POP4: variants seen among roughly 807,000 people sequenced by gnomAD.
POP4 encodes POP4 ribonuclease P/MRP subunit.
In POP4, 31 loss-of-function variants were observed where a neutral mutation model predicts 29.9. That is an observed-to-expected ratio of 1.04 (90% CI 0.78 to 1.40). POP4 has a LOEUF of 1.40. Ranked by LOEUF, POP4 falls within the 40% of genes most tolerant of loss-of-function variation. The pLI is 0.00. For missense variants in POP4, 286 were observed against 282.7 expected, an observed-to-expected ratio of 1.01 and a Z score of -0.08; for synonymous variants, 110 against 108.2, an observed-to-expected ratio of 1.02 and a Z score of -0.10.
intron 2 of POP4, chr19:29,608,984 C>A (rs1971035537): frequency 8.3e-6 from 3 of 359,560 alleles, no homozygotes; most frequent in Admixed American, 4.6e-5. Context: ...CAGGCTGTGC[C>A]CACGTGGTGG....
chr19:29,615,237 T>C lies in POP4; in HGVS notation c.527-7T>C. The C allele has an allele frequency of 1.3e-6, 2 of 1,529,384 alleles. No individual in the cohort carries two copies. Among genetic ancestry groups the C allele is most frequent in the Non-Finnish European group, 1.8e-6 (2 of 1,141,954 alleles). 94.7% of individuals were successfully genotyped at this position (1,529,384 alleles called of 1,614,324 possible). On this transcript the variant is annotated splice_polypyrimidine_tract_variant and splice_region_variant and intron_variant, in intron 6 of 6. Transcript: ENST00000585603. ...TTTTCTCCTGCCTTTTTTTTTTTTTTTTTCAGTTATCCCCAAGCTAAACTG... is the reference window on the plus strand; with the variant it reads ...TTTTCTCCTGCCTTTTTTTTTTTTTCTTTCAGTTATCCCCAAGCTAAACTG...
In POP4 at chr19:29,617,150, A is replaced by C. The variant is rs1254784544; in HGVS notation, c.*1770A>C. ...GTGTTCATAACCAAATAGGTGCTGTAGCTTCCTAGCCATCCCGCTCTTACC... is the reference window on the plus strand; with the variant it reads ...GTGTTCATAACCAAATAGGTGCTGTCGCTTCCTAGCCATCCCGCTCTTACC... On this transcript the variant is annotated 3_prime_UTR_variant, in exon 7 of 7. Transcript: ENST00000585603. 6.6e-6 allele frequency: 1 copy of C among 152,230 alleles called. No individual in the cohort carries two copies. The highest frequency in any genetic ancestry group is 1.5e-5 in the Non-Finnish European group (1 of 68,044). 9.4% of individuals were successfully genotyped at this position (152,230 alleles called of 1,614,324 possible). A position where few individuals can be genotyped will look rare whatever the true frequency, so the allele number is the denominator to read the frequency against.
intron 1 of POP4, 147 bp downstream of exon 1, chr19:29,606,472 C>A: frequency 1.1e-6 from 1 of 942,018 alleles, no homozygotes; most frequent in Non-Finnish European, 1.5e-6. Flanking sequence ...CTAAGAAAAA[C>A]TGAGGGCTGG....
In POP4 at chr19:29,610,588, A is replaced by G. The variant is rs750946227; in HGVS notation, c.240A>G (p.Gln80=). The G allele has an allele frequency of 3.2e-5, 52 of 1,614,052 alleles. No individual in the cohort carries two copies. The highest frequency in any genetic ancestry group is 1.1e-4 in the South Asian group (10 of 91,082). The change falls in exon 3 of 7, where the codon CAA becomes CAG. Residue 80 remains glutamine (Q), a synonymous_variant. Coordinates refer to ENST00000585603, the MANE Select transcript of POP4 (RefSeq NM_006627.3). ...KKKAKGLSAR[Q]RRELRLFDIK... Reference sequence around the variant, plus strand: ...AAGCCAAAGGCCTCTCTGCCAGGCAAAGGAGGGAGCTGCGGCTCTTTGACA... The same window carrying G: ...AAGCCAAAGGCCTCTCTGCCAGGCAGAGGAGGGAGCTGCGGCTCTTTGACA...
Position 29,611,911 on chromosome 19 carries a change from G to A in POP4, c.334G>A (p.Asp112Asn). The A allele has an allele frequency of 6.2e-7, 1 of 1,614,166 alleles. No homozygotes were observed. Among genetic ancestry groups the A allele is most frequent in the Non-Finnish European group, 8.5e-7 (1 of 1,180,038 alleles). Residue 112 changes from aspartate (D) to asparagine (N), a missense_variant, in exon 4 of 7, where the codon GAC becomes AAC. Coordinates refer to ENST00000585603, the MANE Select transcript of POP4 (RefSeq NM_006627.3). Reference protein sequence around the residue: ...LHELWKQYIRDLCSGLKPDTQ... With the variant: ...LHELWKQYIRNLCSGLKPDTQ... ...TGAACTCTGGAAACAGTACATCAGGGACCTGTGCAGTGGGCTCAAGCCAGA... is the reference window on the plus strand; with the variant it reads ...TGAACTCTGGAAACAGTACATCAGGAACCTGTGCAGTGGGCTCAAGCCAGA...
intron 4 of POP4, 57 bp downstream of exon 4, chr19:29,611,996 TG>T (rs1372840947): frequency 1.3e-6 from 2 of 1,592,930 alleles, no homozygotes; most frequent in Admixed American, 3.4e-5. Flanking sequence ...CTCTGATCAT[TG>T]TAAATGCGGC....
chr19:29,610,773 T>C, intron 3 of POP4, 141 bp downstream of exon 3: 10 of 811,408 alleles, frequency 1.2e-5, no homozygotes, highest in Non-Finnish European at 1.9e-5. Context: ...AGGGCAGCCT[T>C]CCTTTACCAA....
intron 2 of POP4, chr19:29,609,345 C>G (rs180803434): frequency 4.3e-4 from 66 of 152,496 alleles, no homozygotes; most frequent in African/African-American, 1.5e-3. Context: ...TGAGCTCCCT[C>G]GAAGGCTATA....
rs2288477 is a variant in POP4 at position 29,611,949 on chromosome 19, A to G, written c.362+10A>G. ...GGCTCAAGCCAGACACGTAAGTTGC[A>G]TTCCTGAAGCTTTGCTCTTTGGGGT... On this transcript the variant is annotated intron_variant, in intron 4 of 6. Transcript: ENST00000585603. The G allele has an allele frequency of 0.35, 563,280 of 1,611,110 alleles. 100,985 individuals carry two copies. Among genetic ancestry groups the G allele is most frequent in the East Asian group, 0.53 (23,810 of 44,836 alleles).
Position 29,611,882 on chromosome 19 carries a change from TC to T in POP4, c.307del (p.His103MetfsTer23), listed in dbSNP as rs1448941785. On this transcript the variant is annotated frameshift_variant, in exon 4 of 7. Coordinates refer to ENST00000585603, the MANE Select transcript of POP4 (RefSeq NM_006627.3). LOFTEE classifies it high-confidence loss of function. ...EQQRYSLFLPLHELWKQYIRD... is the reference protein window; with the variant it reads ...EQQRYSLFLPXHELWKQYIRD... ...TGCAGATACAGCCTTTTCCTCCCTC[TC>T]CATGAACTCTGGAAACAGTACATCA... The T allele has an allele frequency of 1.2e-6, 2 of 1,614,038 alleles. No individual in the cohort carries two copies. The highest frequency in any genetic ancestry group is 4.5e-5 in the East Asian group (2 of 44,896).
At chr19:29,606,375 G>A (rs1228724284) in intron 1 of POP4, 50 bp downstream of exon 1, 1 of 1,580,564 alleles carries the variant, frequency 6.3e-7, no homozygotes, top group Non-Finnish European at 8.6e-7. Flanking sequence ...AAGGGTCGGG[G>A]TCTTGGTACT....
rs1325298849 is a variant in POP4 at position 29,610,539 on chromosome 19, A to G, written c.191A>G (p.His64Arg). The G allele has an allele frequency of 8.1e-6, 13 of 1,614,152 alleles. No individual in the cohort carries two copies. Among genetic ancestry groups the G allele is most frequent in the Middle Eastern group, 1.7e-4 (1 of 6,060 alleles). The change falls in exon 3 of 7, where the codon CAC becomes CGC. Residue 64 changes from histidine to arginine, a missense_variant. Physicochemically the swap from His to Arg is conservative, Grantham distance 29. Transcript: ENST00000585603. ...GTGGTCCTGGAGTACTTCACCCGCC[A>G]CAAGCGCAAGGAGAAGAAGAAGAAA... ...KAVVLEYFTR[H>R]KRKEKKKKAK...
At position 29,610,533 on chromosome 19, in the gene POP4, C is replaced by T. The variant is rs377019351; in HGVS notation, c.185C>T (p.Thr62Ile). 4.8e-5 allele frequency: 78 copies of T among 1,613,870 alleles called. 1 individual carries two copies. In the African/African-American group the frequency reaches 6.7e-4, roughly 14 times the overall value. ...AAGGCGGTGGTCCTGGAGTACTTCA[C>T]CCGCCACAAGCGCAAGGAGAAGAAG... The part of the protein sequence containing the change: ...QRKAVVLEYF[T>I]RHKRKEKKKK... Residue 62 changes from threonine (T) to isoleucine (I), a missense_variant, in exon 3 of 7, where the codon ACC (threonine) becomes ATC (isoleucine). Thr to Ile is a moderately conservative substitution (Grantham distance 89). Coordinates refer to ENST00000585603, the MANE Select transcript of POP4 (RefSeq NM_006627.3).
chr19:29,610,859 C>G (rs1971060362), intron 3 of POP4: 1 of 559,820 alleles, frequency 1.8e-6, no homozygotes, highest in South Asian at 2.1e-5. Context: ...GGAGTAAGAC[C>G]CGTGCAAGTA....
At chr19:29,608,262 C>CTTTTCT (rs1491529433) in intron 1 of POP4, among the ~76,000 whole-genome samples, 43 of 86,562 alleles carry the variant, frequency 5.0e-4, no homozygotes, top group South Asian at 2.2e-3. Context: ...CTTTTCTTTT[C>CTTTTCT]TTTTTTTTTT....
chr19:29,609,582 T>C (rs1245008992), intron 2 of POP4, among the ~76,000 whole-genome samples: 1 of 152,148 alleles, frequency 6.6e-6, no homozygotes, highest in African/African-American at 2.4e-5. Context: ...GAGGAATCCG[T>C]TATTGGAACT....
intron 6 of POP4, 52 bp from the exon 7 acceptor site, chr19:29,615,188 TAATA>T: frequency 6.8e-7 from 1 of 1,469,222 alleles, no homozygotes; most frequent in Non-Finnish European, 9.0e-7. Context: ...AGTAAAATAT[TAATA>T]AATATTTTTC....
chr19:29,614,509 CT>C (rs1568295839), intron 6 of POP4, among the ~76,000 whole-genome samples: 2 of 34,992 alleles, frequency 5.7e-5, no homozygotes, highest in Non-Finnish European at 6.4e-5. Flanking sequence ...TTTAATTTTT[CT>C]TTTTTTTTTT....
At chr19:29,615,029 T>A (rs1971114165) in intron 6 of POP4, among the ~76,000 whole-genome samples, 1 of 152,150 alleles carries the variant, frequency 6.6e-6, no homozygotes, top group Admixed American at 6.5e-5. Flanking sequence ...CCCTGAAGAT[T>A]AGGTGCCAAG....
Sources: gnomAD v4.1 joint callset for allele counts (sites outside exome capture counted in the v4.1 genomes callset) on GRCh38, gnomAD v4.1.1 for gene constraint, MANE v1.5 for transcripts, NCBI Gene and HGNC (gene_info 2026-07-23, HGNC 2026-07-21) for gene names.